FUT9: variants seen among roughly 807,000 people sequenced by gnomAD.
The protein encoded by FUT9 is 4-galactosyl-N-acetylglucosaminide 3-alpha-L-fucosyltransferase 9.
FUT9 carries 15 observed loss-of-function variants against 29.7 expected under a neutral mutation model. The observed-to-expected ratio is 0.51, with a 90% CI of 0.34 to 0.78. The LOEUF (loss-of-function observed/expected upper bound fraction) is 0.78. Among genes scored for constraint, FUT9 ranks in the 30% least tolerant of loss-of-function variants. The probability of loss-of-function intolerance (pLI) is 0.01; values close to 1 mark genes in which losing one functional copy is unlikely to be tolerated. For synonymous variants in FUT9, 169 were observed against 153.7 expected (o/e 1.10, Z -0.74); for missense variants, 319 against 425.4 (o/e 0.75, Z 2.20).
intron 2 of FUT9, among the ~76,000 whole-genome samples, chr6:96,172,371 C>T (rs1773128712): frequency 6.6e-6 from 1 of 152,156 alleles, no homozygotes; most frequent in Non-Finnish European, 1.5e-5. Flanking sequence ...TTGACATTTA[C>T]AACCATATAC....
chr6:96,213,160 A>G lies in FUT9; in HGVS notation c.*8925A>G, dbSNP rs4582393. 0.92 allele frequency: 153,686 copies of G among 166,924 alleles called. 72,144 individuals carry two copies. The highest frequency in any genetic ancestry group is 1 in the Non-Finnish European group (67,881 of 68,010). 10.3% of individuals were successfully genotyped at this position (166,924 alleles called of 1,614,324 possible). ...ACTACAAGGGGTGGGGAAGAAGTTA[A>G]TGTGTAATTGCTTCAGGAGCTCTGA... is the stretch of plus-strand genomic sequence containing the variant. On this transcript the variant is annotated 3_prime_UTR_variant, in exon 3 of 3. Transcript: ENST00000302103.
chr6:96,081,091 A>T (rs1771229426), intron 1 of FUT9, among the ~76,000 whole-genome samples: 1 of 151,920 alleles, frequency 6.6e-6, no homozygotes, highest in Non-Finnish European at 1.5e-5. Flanking sequence ...TCACACTAGG[A>T]TTTATTTTTA....
chr6:96,022,824 C>T (rs1770097730), intron 1 of FUT9, among the ~76,000 whole-genome samples: 1 of 151,782 alleles, frequency 6.6e-6, no homozygotes, highest in African/African-American at 2.4e-5. Context: ...GACAAGAGCC[C>T]AGTAGCAAGC....
intron 2 of FUT9, among the ~76,000 whole-genome samples, chr6:96,188,488 G>GA (rs1773444398): frequency 6.6e-6 from 1 of 152,014 alleles, no homozygotes; most frequent in Non-Finnish European, 1.5e-5. Flanking sequence ...AAAGCAATAC[G>GA]TGTGACCTGA....
At chr6:96,017,578 T>A (rs1770001088) in intron 1 of FUT9, among the ~76,000 whole-genome samples, 1 of 152,190 alleles carries the variant, frequency 6.6e-6, no homozygotes, top group Non-Finnish European at 1.5e-5. Context: ...GTTTAATATT[T>A]TAGAGAAATG....
chr6:96,027,709 G>A (rs1351905858), intron 1 of FUT9, among the ~76,000 whole-genome samples: 1 of 151,584 alleles, frequency 6.6e-6, no homozygotes, highest in Non-Finnish European at 1.5e-5. Context: ...TGAACTTGAA[G>A]GATCAGATAA....
At chr6:96,082,299 A>G (rs1771250056) in intron 1 of FUT9, among the ~76,000 whole-genome samples, 1 of 151,768 alleles carries the variant, frequency 6.6e-6, no homozygotes, top group African/African-American at 2.4e-5. Flanking sequence ...TTCACATTGA[A>G]ATATTTAATA....
rs539576257 is a variant in FUT9 at position 96,213,685 on chromosome 6, A to T, written c.*9450A>T. 1 of 166,868 alleles carries T rather than the reference A, an allele frequency of 6.0e-6. No individual in the cohort carries two copies. The highest frequency in any genetic ancestry group is 1.9e-4 in the East Asian group (1 of 5,204). The allele number at this position is 166,868 out of a possible 1,614,324, so 10.3% of individuals were successfully genotyped here. ...GTTATTTTAAGCACACTAATTAGTC[A>T]TCTGGATTTTTATAGATAAAATCAC... On this transcript the variant is annotated 3_prime_UTR_variant, in exon 3 of 3. Transcript: ENST00000302103.
intron 2 of FUT9, among the ~76,000 whole-genome samples, chr6:96,155,422 A>C (rs1472443317): frequency 6.6e-6 from 1 of 152,130 alleles, no homozygotes; most frequent in Non-Finnish European, 1.5e-5. Context: ...GTTTGGCCCT[A>C]ATCTAAAATG....
rs1050744282 is a variant in FUT9, at chr6:96,191,387, G to A, written c.-8-11761G>A. Among the ~76,000 whole-genome samples the A allele has an allele frequency of 2.0e-5, 3 of 152,258 alleles. No homozygotes were observed. In the East Asian group the frequency reaches 5.8e-4, roughly 29 times the overall value. ...GAATCAAATAGACGCAATAAAAAAT[G>A]TTAAAGGGGATACCACCACTGATCC... On this transcript the variant is annotated intron_variant, in intron 2 of 2. Coordinates refer to ENST00000302103, the MANE Select transcript of FUT9 (RefSeq NM_006581.4).
chr6:96,021,383 T>C (rs543182834), intron 1 of FUT9, among the ~76,000 whole-genome samples: 2 of 151,994 alleles, frequency 1.3e-5, no homozygotes, highest in African/African-American at 4.8e-5. Flanking sequence ...TTGGAGGTCA[T>C]AGGGTAATCT....
At chr6:96,117,066 G>A (rs1011737966) in intron 2 of FUT9, among the ~76,000 whole-genome samples, 2 of 152,170 alleles carry the variant, frequency 1.3e-5, no homozygotes, top group African/African-American at 4.8e-5. Flanking sequence ...AGGTGATGCA[G>A]TCAAAGGATC....
Position 96,208,541 on chromosome 6 carries a change from A to G in FUT9, c.*4306A>G, listed in dbSNP as rs578123721. On this transcript the variant is annotated 3_prime_UTR_variant, in exon 3 of 3. Transcript: ENST00000302103. ...AAGTGGTCCTGTAAAATATTTTTTAAGAGTAGTGACAATGTTTATTGGTAC... is the reference window on the plus strand; with the variant it reads ...AAGTGGTCCTGTAAAATATTTTTTAGGAGTAGTGACAATGTTTATTGGTAC... 3.2e-4 allele frequency: 54 copies of G among 167,000 alleles called. No individual in the cohort carries two copies. Among genetic ancestry groups the G allele is most frequent in the African/African-American group, 1.0e-3 (43 of 41,562 alleles). 10.3% of individuals were successfully genotyped at this position (167,000 alleles called of 1,614,324 possible). A position where few individuals can be genotyped will look rare whatever the true frequency, so the allele number is the denominator to read the frequency against.
At chr6:96,124,731 T>C (rs1385913711) in intron 2 of FUT9, among the ~76,000 whole-genome samples, 19 of 152,174 alleles carry the variant, frequency 1.2e-4, no homozygotes, top group Non-Finnish European at 2.9e-5. Flanking sequence ...ACATTCAGTT[T>C]CTGAAATATT....
intron 1 of FUT9, among the ~76,000 whole-genome samples, chr6:96,061,203 T>G (rs983777728): frequency 6.6e-6 from 1 of 150,846 alleles, no homozygotes; most frequent in South Asian, 2.1e-4. Context: ...ATGGTGTCAT[T>G]GAAGCAGAGT....
chr6:96,150,090 C>G (rs1772648024), intron 2 of FUT9, among the ~76,000 whole-genome samples: 1 of 152,030 alleles, frequency 6.6e-6, no homozygotes, highest in Non-Finnish European at 1.5e-5. Flanking sequence ...CTCTGCCTAC[C>G]TGGGTCTTGA....
chr6:96,204,508 T>C lies in FUT9; in HGVS notation c.*273T>C. 1 of 221,822 alleles carries C rather than the reference T, an allele frequency of 4.5e-6. No homozygotes were observed. The highest frequency in any genetic ancestry group is 9.6e-6 in the Non-Finnish European group (1 of 104,680). 13.7% of individuals were successfully genotyped at this position (221,822 alleles called of 1,614,324 possible). The stretch of plus-strand genomic sequence containing the variant: ...TTGTAAACATTGTTTTTTCACATTT[T>C]TGTAGTTGTCCATAATGTAAGCTTG... On this transcript the variant is annotated 3_prime_UTR_variant, in exon 3 of 3. Transcript: ENST00000302103.
At chr6:96,026,018 T>A (rs1043126132) in intron 1 of FUT9, among the ~76,000 whole-genome samples, 24 of 151,820 alleles carry the variant, frequency 1.6e-4, no homozygotes, top group African/African-American at 4.8e-4. Flanking sequence ...TTAAGGAATG[T>A]CACCCCTTTA....
At chr6:96,057,786 G>A (rs1054217535) in intron 1 of FUT9, among the ~76,000 whole-genome samples, 8 of 152,272 alleles carry the variant, frequency 5.3e-5, no homozygotes, top group Non-Finnish European at 8.8e-5. Flanking sequence ...CTTTTCAGAG[G>A]ACTTAGGAAG....
Sources: gnomAD v4.1 joint callset for allele counts (sites outside exome capture counted in the v4.1 genomes callset) on GRCh38, gnomAD v4.1.1 for gene constraint, MANE v1.5 for transcripts, NCBI Gene and HGNC (gene_info 2026-07-23, HGNC 2026-07-21) for gene names.